The following RBFOX1 variants were observed in gnomAD, a reference collection of about 807,000 sequenced individuals.
RBFOX1 encodes RNA binding fox-1 homolog 1, also known as RNA binding protein fox-1 homolog 1.
RBFOX1 carries 8 observed loss-of-function variants against 57.7 expected under a neutral mutation model. The ratio of observed to expected loss-of-function variants is 0.14; its 90% CI spans 0.08 to 0.25. RBFOX1 has a LOEUF of 0.25. Among genes scored for constraint, RBFOX1 ranks in the 10% least tolerant of loss-of-function variants. The pLI, the probability that RBFOX1 is intolerant of heterozygous loss-of-function variation, is 1.00. For synonymous variants in RBFOX1, 326 were observed against 222.4 expected (o/e 1.47, Z -4.15); for missense variants, 611 against 548.5 (o/e 1.11, Z -1.14).
At chr16:7,280,131 G>T (rs540451647) in intron 4 of RBFOX1, among the ~76,000 whole-genome samples, 1 of 152,330 alleles carries the variant, frequency 6.6e-6, no homozygotes, top group East Asian at 1.9e-4. Context: ...TGACTTCGTT[G>T]ACCACAGAGT....
At chr16:7,646,685 C>T (rs2063800708) in intron 11 of RBFOX1, among the ~76,000 whole-genome samples, 1 of 152,202 alleles carries the variant, frequency 6.6e-6, no homozygotes, top group Non-Finnish European at 1.5e-5. Flanking sequence ...GGCTTTGGTG[C>T]AGAATCCGCC....
rs533830055 is a variant in RBFOX1, at chr16:6,781,440, T to C, written c.-16+126790T>C. 3.0e-4 allele frequency among the ~76,000 whole-genome samples: 45 copies of C among 152,284 alleles called. 1 individual carries two copies. The highest frequency in any genetic ancestry group is 1.8e-3 in the Admixed American group (27 of 15,282). Reference sequence around the variant, plus strand: ...TGGCATTAGGATAATCCTGATCCTGTAGAATGAGTTTGGAAGTATTGTCTA... The same window carrying C: ...TGGCATTAGGATAATCCTGATCCTGCAGAATGAGTTTGGAAGTATTGTCTA... On this transcript the variant is annotated intron_variant, in intron 3 of 15. Transcript: ENST00000550418.
intron 3 of RBFOX1, among the ~76,000 whole-genome samples, chr16:6,729,105 A>G (rs1225868029): frequency 7.2e-5 from 11 of 152,256 alleles, no homozygotes; most frequent in Admixed American, 7.2e-4. Flanking sequence ...GTTGAAATGG[A>G]GATACTAAAC....
chr16:7,180,170 A>T lies in RBFOX1; in HGVS notation c.27+128072A>T, dbSNP rs553485850. 6.2e-5 allele frequency among the ~76,000 whole-genome samples: 9 copies of T among 145,652 alleles called. No individual in the cohort carries two copies. The East Asian group carries it at 1.5e-3, about 25-fold the overall frequency. On this transcript the variant is annotated intron_variant, in intron 4 of 15. Coordinates refer to ENST00000550418, the MANE Select transcript of RBFOX1 (RefSeq NM_018723.4). ...TTCTGCCTTGCAGAACTATTATTAT[A>T]ATATAATAATATCCAAAGAACAGTA...
chr16:7,251,038 A>G (rs994233071), intron 4 of RBFOX1, among the ~76,000 whole-genome samples: 1 of 152,152 alleles, frequency 6.6e-6, no homozygotes, highest in Non-Finnish European at 1.5e-5. Flanking sequence ...CTACTCTTCC[A>G]GTGATTTTCA....
chr16:5,330,624 C>T (rs894730862), intron 1 of RBFOX1, among the ~76,000 whole-genome samples: 6 of 151,780 alleles, frequency 4.0e-5, no homozygotes, highest in African/African-American at 9.7e-5. Context: ...AGGCTGGCCT[C>T]GAACTTCTGA....
At chr16:7,208,395 G>C (rs948377314) in intron 4 of RBFOX1, among the ~76,000 whole-genome samples, 1 of 152,188 alleles carries the variant, frequency 6.6e-6, no homozygotes, top group African/African-American at 2.4e-5. Context: ...TGCAGGCTGT[G>C]TAAGAAGCAG....
intron 3 of RBFOX1, among the ~76,000 whole-genome samples, chr16:5,790,584 A>G (rs1277298249): frequency 2.0e-5 from 3 of 151,610 alleles, no homozygotes; most frequent in Non-Finnish European, 4.4e-5. Flanking sequence ...CTTGATGCTT[A>G]CAGGGTTTGG....
At chr16:7,518,673 C>T (rs945981225) in intron 5 of RBFOX1, among the ~76,000 whole-genome samples, 1 of 151,956 alleles carries the variant, frequency 6.6e-6, no homozygotes, top group Admixed American at 6.6e-5. Context: ...AATGTCATCC[C>T]AATGAAATCT....
intron 3 of RBFOX1, among the ~76,000 whole-genome samples, chr16:6,854,052 TGTTC>T (rs1157144695): frequency 1.1e-4 from 17 of 152,330 alleles, no homozygotes; most frequent in African/African-American, 4.1e-4. Flanking sequence ...GTTAAGTCTT[TGTTC>T]CTTCCAGAAA....
intron 3 of RBFOX1, among the ~76,000 whole-genome samples, chr16:6,754,182 C>T (rs2075408708): frequency 6.6e-6 from 1 of 152,140 alleles, no homozygotes; most frequent in Non-Finnish European, 1.5e-5. Context: ...CAAAACTCAA[C>T]ACTCAGGCAG....
At chr16:5,556,724 G>C (rs1320688846) in intron 2 of RBFOX1, among the ~76,000 whole-genome samples, 2 of 152,152 alleles carry the variant, frequency 1.3e-5, no homozygotes, top group Admixed American at 6.5e-5. Flanking sequence ...TGTTCCTTGG[G>C]ACATGAGATG....
intron 3 of RBFOX1, among the ~76,000 whole-genome samples, chr16:5,840,964 G>A (rs896023204): frequency 6.6e-6 from 1 of 152,176 alleles, no homozygotes; most frequent in Non-Finnish European, 1.5e-5. Context: ...TGCAGGGGTA[G>A]TGAACCTCCC....
intron 4 of RBFOX1, among the ~76,000 whole-genome samples, chr16:7,283,908 G>A (rs889800024): frequency 2.6e-5 from 4 of 152,188 alleles, no homozygotes; most frequent in Non-Finnish European, 4.4e-5. Context: ...GAGCATATTC[G>A]TCATTCCAAA....
intron 3 of RBFOX1, among the ~76,000 whole-genome samples, chr16:6,762,966 A>G (rs1165613101): frequency 6.6e-6 from 1 of 152,216 alleles, no homozygotes; most frequent in African/African-American, 2.4e-5. Context: ...AAATGAAGAT[A>G]GAGGAATACA....
intron 3 of RBFOX1, among the ~76,000 whole-genome samples, chr16:6,754,686 G>T (rs1306693762): frequency 6.6e-6 from 1 of 151,990 alleles, no homozygotes; most frequent in African/African-American, 2.4e-5. Flanking sequence ...AGAGAGAGAT[G>T]CAGGAAATGG....
intron 7 of RBFOX1, among the ~76,000 whole-genome samples, chr16:7,593,488 A>G (rs1257088313): frequency 6.6e-6 from 1 of 152,198 alleles, no homozygotes; most frequent in Non-Finnish European, 1.5e-5. Context: ...GTTATGGAGC[A>G]AATAATCTTA....
intron 3 of RBFOX1, among the ~76,000 whole-genome samples, chr16:6,932,752 T>G (rs2076767706): frequency 6.6e-6 from 1 of 152,234 alleles, no homozygotes; most frequent in African/African-American, 2.4e-5. Context: ...AAATACAATG[T>G]AAAATTTACC....
At chr16:7,446,777 C>G (rs940166798) in intron 4 of RBFOX1, among the ~76,000 whole-genome samples, 5 of 140,954 alleles carry the variant, frequency 3.5e-5, no homozygotes, top group Non-Finnish European at 7.6e-5. Flanking sequence ...TCCTATTTCT[C>G]AAGCCAAGGT....
Sources: allele counts gnomAD v4.1 joint callset (sites outside exome capture counted in the v4.1 genomes callset), GRCh38; gene constraint gnomAD v4.1.1; transcripts MANE v1.5; gene names NCBI Gene and HGNC (gene_info 2026-07-23, HGNC 2026-07-21).